TRIM66: variants seen among roughly 807,000 people sequenced by gnomAD.
The protein encoded by TRIM66 is tripartite motif-containing protein 66.
TRIM66 carries 99 observed loss-of-function variants against 148.2 expected under a neutral mutation model. The ratio of observed to expected loss-of-function variants is 0.67; its 90% CI spans 0.57 to 0.79. The LOEUF is 0.79. TRIM66 is among the 30% of genes least tolerant of loss of function. The pLI, the probability that TRIM66 is intolerant of heterozygous loss-of-function variation, is 0.00. For missense variants in TRIM66, 1,666 were observed against 1,697.9 expected (o/e 0.98, Z 0.33); for synonymous variants, 616 against 635.9 (o/e 0.97, Z 0.47).
At chr11:8,669,046 G>A (rs1372906288) in intron 6 of TRIM66, among the ~76,000 whole-genome samples, 1 of 152,138 alleles carries the variant, frequency 6.6e-6, no homozygotes, top group Non-Finnish European at 1.5e-5. Context: ...CCTCTTGGTG[G>A]GATGGGTGGC....
At chr11:8,621,010 G>A (rs1420405019) in intron 20 of TRIM66, 22 bp downstream of exon 20, 3 of 1,547,766 alleles carry the variant, frequency 1.9e-6, no homozygotes, top group South Asian at 2.4e-5. Flanking sequence ...CCAGGTGATG[G>A]TCCTGGACTG....
At chr11:8,634,589 T>C (rs1458563961) in intron 15 of TRIM66, among the ~76,000 whole-genome samples, 1 of 152,186 alleles carries the variant, frequency 6.6e-6, no homozygotes, top group Non-Finnish European at 1.5e-5. Flanking sequence ...TGTGGTAGGG[T>C]TGTAGCCATG....
chr11:8,621,331 G>T lies in TRIM66; in HGVS notation c.3256-10C>A. The T allele has an allele frequency of 6.5e-7, 1 of 1,546,766 alleles. No homozygotes were observed. The highest frequency in any genetic ancestry group is 1.2e-5 in the South Asian group (1 of 83,598). ...GTCTGTCCTGGCTGACCTTGGGGAAGAAGTAAGTCTGGGCAGCCAGAGCAC... is the reference window on the plus strand; with the variant it reads ...GTCTGTCCTGGCTGACCTTGGGGAATAAGTAAGTCTGGGCAGCCAGAGCAC... On this transcript the variant is annotated splice_polypyrimidine_tract_variant and intron_variant, in intron 19 of 24. Coordinates refer to ENST00000646038, the MANE Select transcript of TRIM66 (RefSeq NM_001388022.1).
rs187988658 is a variant in TRIM66 at position 8,621,633 on chromosome 11, G to A, written c.3255+12C>T. 1 of 1,512,674 alleles carries A rather than the reference G, an allele frequency of 6.6e-7. No homozygotes were observed. The highest frequency in any genetic ancestry group is 1.4e-5 in the African/African-American group (1 of 71,756). 93.7% of individuals were successfully genotyped at this position (1,512,674 alleles called of 1,614,324 possible). ...GGCCAGGGTTTAAGGCCAAGGCAAA[G>A]CAAAGTGGTACCTTAATGGACATGC... On this transcript the variant is annotated intron_variant, in intron 19 of 24. Transcript: ENST00000646038.
intron 12 of TRIM66, chr11:8,644,472 C>T (rs540638694): frequency 2.2e-6 from 1 of 451,328 alleles, no homozygotes; most frequent in East Asian, 7.0e-5. Flanking sequence ...GGATAAATTA[C>T]CCCAACTTGT....
chr11:8,672,637 T>C (rs868420925), intron 4 of TRIM66, among the ~76,000 whole-genome samples: 4,880 of 149,270 alleles, frequency 0.033, 103 homozygotes, highest in Non-Finnish European at 0.051. Flanking sequence ...TTTTTTTTTT[T>C]TGAGACAGGA....
At chr11:8,657,388 C>T (rs529644650) in intron 6 of TRIM66, among the ~76,000 whole-genome samples, 5 of 152,170 alleles carry the variant, frequency 3.3e-5, no homozygotes, top group Non-Finnish European at 5.9e-5. Flanking sequence ...CTAGTTCCAA[C>T]CCGTAGACCC....
chr11:8,645,907 A>C lies in TRIM66; in HGVS notation c.958-20T>G, dbSNP rs189048528. 4.9e-4 allele frequency: 763 copies of C among 1,550,688 alleles called. No individual in the cohort carries two copies. The highest frequency in any genetic ancestry group is 6.2e-4 in the Non-Finnish European group (715 of 1,146,504). On this transcript the variant is annotated intron_variant, in intron 11 of 24. Coordinates refer to ENST00000646038, the MANE Select transcript of TRIM66 (RefSeq NM_001388022.1). ...AATCCCCTGGGTACAGAGAGAAGACAGAGTCCTTGATCCTGTTACTGGACT... is the reference window on the plus strand; with the variant it reads ...AATCCCCTGGGTACAGAGAGAAGACCGAGTCCTTGATCCTGTTACTGGACT...
intron 17 of TRIM66, 89 bp downstream of exon 17, chr11:8,624,270 C>A: frequency 7.1e-7 from 1 of 1,408,936 alleles, no homozygotes; most frequent in Non-Finnish European, 9.6e-7. Flanking sequence ...CAGCTTAGAG[C>A]TTGTCTGCTG....
In TRIM66 at chr11:8,630,883, A is replaced by T. The variant is rs1309121909; in HGVS notation, c.2311-5655T>A. On this transcript the variant is annotated intron_variant, in intron 15 of 24. Transcript: ENST00000646038. ...ACTTCCCTGAATTGTCTGACTTTCAACCTCTGCTACTAGTCACCTATGTGA... is the reference window on the plus strand; with the variant it reads ...ACTTCCCTGAATTGTCTGACTTTCATCCTCTGCTACTAGTCACCTATGTGA... Among the ~76,000 whole-genome samples the T allele has an allele frequency of 3.3e-5, 5 of 152,004 alleles. No individual in the cohort carries two copies. In the East Asian group the frequency reaches 9.6e-4, roughly 29 times the overall value.
intron 6 of TRIM66, among the ~76,000 whole-genome samples, chr11:8,668,938 T>C (rs953729242): frequency 6.6e-6 from 1 of 152,166 alleles, no homozygotes; most frequent in African/African-American, 2.4e-5. Context: ...TCTCCTGAGG[T>C]CCAGCCTTTG....
intron 18 of TRIM66, among the ~76,000 whole-genome samples, chr11:8,622,481 C>G (rs1349894910): frequency 1.3e-5 from 2 of 150,676 alleles, no homozygotes; most frequent in East Asian, 3.9e-4. Flanking sequence ...TGAATGTGGA[C>G]TCTACAGGTC....
Position 8,671,773 on chromosome 11 carries a change from C to A in TRIM66, c.340+13G>T. ...TGTAGTGGGAGGTGAACTTGTGGTGCCTTTGTACTTACCATCTGCAACAGT... is the reference window on the plus strand; with the variant it reads ...TGTAGTGGGAGGTGAACTTGTGGTGACTTTGTACTTACCATCTGCAACAGT... On this transcript the variant is annotated intron_variant, in intron 6 of 24. Transcript: ENST00000646038. 8.7e-7 allele frequency: 1 copy of A among 1,154,216 alleles called. No homozygotes were observed. The highest frequency in any genetic ancestry group is 1.3e-6 in the Non-Finnish European group (1 of 798,200). 71.5% of individuals were successfully genotyped at this position (1,154,216 alleles called of 1,614,324 possible).
Position 8,682,549 on chromosome 11 carries a change from C to T in TRIM66, c.-548+52G>A, listed in dbSNP as rs1028287743. ...GCGGCGTGCAGTACAGCACACCTAG[C>T]CCCGATTCTTCAACAGTTCTCGCCC... On this transcript the variant is annotated intron_variant, in intron 1 of 24. Coordinates refer to ENST00000646038, the MANE Select transcript of TRIM66 (RefSeq NM_001388022.1). 6 of 575,570 alleles carry T rather than the reference C, an allele frequency of 1.0e-5. No homozygotes were observed. In the East Asian group the frequency reaches 1.8e-4, roughly 17 times the overall value. The allele number at this position is 575,570 out of a possible 1,614,324, so 35.7% of individuals were successfully genotyped here.
chr11:8,676,252 C>T (rs1330241336), intron 3 of TRIM66, among the ~76,000 whole-genome samples: 6 of 149,630 alleles, frequency 4.0e-5, no homozygotes, highest in East Asian at 1.9e-4. Flanking sequence ...TTTTTTTAAC[C>T]GGCAGATGCT....
intron 6 of TRIM66, among the ~76,000 whole-genome samples, chr11:8,659,929 G>A (rs1410881233): frequency 6.6e-6 from 1 of 152,196 alleles, no homozygotes; most frequent in African/African-American, 2.4e-5. Flanking sequence ...CCAGGCTGGA[G>A]TGTGGTGGCA....
rs989099875 is a variant in TRIM66, at chr11:8,638,762, G to A, written c.2202C>T (p.Asp734=). 11 of 1,551,226 alleles carry A rather than the reference G, an allele frequency of 7.1e-6. No individual in the cohort carries two copies. Among genetic ancestry groups the A allele is most frequent in the Non-Finnish European group, 9.6e-6 (11 of 1,146,840 alleles). Residue 734 remains aspartate, a synonymous_variant, in exon 15 of 25, where the codon GAC becomes GAT. Coordinates refer to ENST00000646038, the MANE Select transcript of TRIM66 (RefSeq NM_001388022.1). ...SQGSKPALPL[D]KNTAAALPQA... ...GGGGCAAGGCAGCAGCAGTATTCTTGTCAAGAGGGAGAGCCGGCTTTGAGC... is the reference window on the plus strand; with the variant it reads ...GGGGCAAGGCAGCAGCAGTATTCTTATCAAGAGGGAGAGCCGGCTTTGAGC...
rs188813148 is a variant in TRIM66, at chr11:8,669,805, C to G, written c.340+1981G>C. 1.2e-3 allele frequency among the ~76,000 whole-genome samples: 189 copies of G among 152,254 alleles called. 3 individuals are homozygous for G. The highest frequency in any genetic ancestry group is 4.5e-3 in the African/African-American group (187 of 41,548). ...AGGGACTAACAGTAATCAGCCCTCT[C>G]CTCTGCCCTTAGGCACTGGAATTGA... On this transcript the variant is annotated intron_variant, in intron 6 of 24. Transcript: ENST00000646038.
At position 8,671,835 on chromosome 11, in the gene TRIM66, C is replaced by G; in HGVS notation, c.291G>C (p.Leu97Phe). ...HLLRKDCFQG[L>F]IQELGQIAKA... Reference sequence around the variant, plus strand: ...TGGCAATCTGCCCTAGCTCCTGTATCAAGCCCTGGAAGCAGTCCTTACGGA... The same window carrying G: ...TGGCAATCTGCCCTAGCTCCTGTATGAAGCCCTGGAAGCAGTCCTTACGGA... Residue 97 changes from leucine (L) to phenylalanine (F), a missense_variant, in exon 6 of 25, where the codon TTG (leucine) becomes TTC (phenylalanine). By Grantham distance (22) the Leu-to-Phe change is conservative. Around this residue, in one of 3 missense-constraint regions of TRIM66, gnomAD observed 1,431 missense variants for 1,412.4 expected, o/e 1.01. Transcript: ENST00000646038. 1.0e-5 allele frequency: 16 copies of G among 1,530,098 alleles called. No individual in the cohort carries two copies. Among genetic ancestry groups the G allele is most frequent in the Non-Finnish European group, 1.4e-5 (16 of 1,141,366 alleles). The allele number at this position is 1,530,098 out of a possible 1,614,324, so 94.8% of individuals were successfully genotyped here. A position where few individuals can be genotyped will look rare whatever the true frequency, so the allele number is the denominator to read the frequency against.
Sources: gnomAD v4.1 joint callset for allele counts (sites outside exome capture counted in the v4.1 genomes callset) on GRCh38, gnomAD v4.1.1 for gene constraint, gnomAD v4.1.1 regional missense constraint, MANE v1.5 for transcripts, NCBI Gene and HGNC (gene_info 2026-07-23, HGNC 2026-07-21) for gene names.